Variants in LRPPRC observed in about 807,000 individuals in gnomAD.
The protein encoded by LRPPRC is leucine-rich PPR motif-containing protein, mitochondrial.
A neutral mutation model predicts 180.3 loss-of-function variants in LRPPRC; 120 were observed. That is an observed-to-expected ratio of 0.67 (90% CI 0.57 to 0.77). The LOEUF (loss-of-function observed/expected upper bound fraction) is 0.77. Among genes scored for constraint, LRPPRC ranks in the 30% least tolerant of loss-of-function variants. The pLI is 0.00. For missense variants in LRPPRC, 2,012 were observed against 1,657.2 expected (o/e 1.21, Z -3.72); for synonymous variants, 723 against 600.0 (o/e 1.21, Z -3.00).
At chr2:43,937,146 C>T (rs527286170) in intron 23 of LRPPRC, among the ~76,000 whole-genome samples, 7 of 152,090 alleles carry the variant, frequency 4.6e-5, no homozygotes, top group East Asian at 1.9e-4. Context: ...CAAAGCGACA[C>T]GTTAATAGTC....
chr2:43,896,834 T>C, intron 34 of LRPPRC, 126 bp from the exon 35 acceptor site: 1 of 670,836 alleles, frequency 1.5e-6, no homozygotes, highest in Non-Finnish European at 2.7e-6. Flanking sequence ...GAAGGCCTAA[T>C]AGTCGACTAT....
chr2:43,979,822 A>G lies in LRPPRC; in HGVS notation c.469+4T>C, dbSNP rs200145808. 3.7e-6 allele frequency: 6 copies of G among 1,612,780 alleles called. No individual in the cohort carries two copies. The African/African-American group carries it at 8.0e-5, about 21-fold the overall frequency. On this transcript the variant is annotated splice_donor_region_variant and intron_variant, in intron 3 of 37. Transcript: ENST00000260665. ...ATACACATCATATATTTAAACAATC[A>G]TACCTAATTTCTGAAGTGTGTCCCA...
In LRPPRC at chr2:43,963,658, T is replaced by A; in HGVS notation, c.1418A>T (p.Asp473Val). Reference sequence around the variant, plus strand: ...CACATAATCTGTATATGTTTCCTGATCAGGATGTACTCCCAATTCTTGCAT... The same window carrying A: ...CACATAATCTGTATATGTTTCCTGAACAGGATGTACTCCCAATTCTTGCAT... ...KGMQELGVHP[D>V]QETYTDYVIP... is the part of the protein sequence containing the mutation. Residue 473 changes from aspartate to valine, a missense_variant, in exon 12 of 38, where the codon GAT becomes GTT. By Grantham distance (152) the Asp-to-Val change is radical (BLOSUM62 -3). Coordinates refer to ENST00000260665, the MANE Select transcript of LRPPRC (RefSeq NM_133259.4). 6.2e-7 allele frequency: 1 copy of A among 1,611,950 alleles called. No individual in the cohort carries two copies. The highest frequency in any genetic ancestry group is 8.5e-7 in the Non-Finnish European group (1 of 1,178,164).
chr2:43,925,193 G>T, intron 26 of LRPPRC, 36 bp from the exon 27 acceptor site: 1 of 1,012,042 alleles, frequency 9.9e-7, no homozygotes, highest in Non-Finnish European at 1.6e-6. Flanking sequence ...TCTACCTTGT[G>T]TAAAGGATGT....
chr2:43,945,395 C>G lies in LRPPRC; in HGVS notation c.2233G>C (p.Val745Leu). The G allele has an allele frequency of 1.2e-6, 2 of 1,611,624 alleles. No homozygotes were observed. Among genetic ancestry groups the G allele is most frequent in the South Asian group, 1.1e-5 (1 of 91,030 alleles). ...EEFDRLDSSA[V>L]LDTGKYVGLV... Reference sequence around the variant, plus strand: ...CCTACATACTTGCCGGTGTCAAGGACAGCAGATGAATCTAAGCGGTCACTA... The same window carrying G: ...CCTACATACTTGCCGGTGTCAAGGAGAGCAGATGAATCTAAGCGGTCACTA... The change falls in exon 22 of 38, where the codon GTC becomes CTC. Residue 745 changes from valine (V) to leucine (L), a missense_variant. Val to Leu is a conservative substitution (Grantham distance 32). Coordinates refer to ENST00000260665, the MANE Select transcript of LRPPRC (RefSeq NM_133259.4).
Position 43,889,760 on chromosome 2 carries a change from C to T in LRPPRC, c.4102G>A (p.Glu1368Lys), listed in dbSNP as rs766892357. Residue 1368 changes from glutamate (E) to lysine (K), a missense_variant, in exon 37 of 38, where the codon GAG becomes AAG. Transcript: ENST00000260665. ...RYASLLKYAG[E>K]PVPFIEPPES... is the part of the protein sequence containing the mutation. ...GGGGGTTCAATGAAAGGGACAGGCT[C>T]TCCAGCATACTTCAGCAAAGATGCG... 1 of 1,613,454 alleles carries T rather than the reference C, an allele frequency of 6.2e-7. No homozygotes were observed.
At chr2:43,995,387 A>T (rs571279828) in intron 1 of LRPPRC, among the ~76,000 whole-genome samples, 1 of 152,346 alleles carries the variant, frequency 6.6e-6, no homozygotes, top group South Asian at 2.1e-4. Flanking sequence ...AATTTCCAAT[A>T]TCTAAATGCT....
chr2:43,966,174 G>A (rs1476770751), intron 11 of LRPPRC, among the ~76,000 whole-genome samples: 1 of 151,746 alleles, frequency 6.6e-6, no homozygotes, highest in East Asian at 1.9e-4. Flanking sequence ...TGAACTTGAA[G>A]CACATGCTAA....
chr2:43,906,399 C>G (rs377358835), intron 30 of LRPPRC, among the ~76,000 whole-genome samples: 61 of 152,284 alleles, frequency 4.0e-4, no homozygotes, highest in African/African-American at 1.2e-3. Context: ...AAAACACCAA[C>G]TTTTAAAACT....
chr2:43,992,564 G>T (rs1294688337), intron 1 of LRPPRC, among the ~76,000 whole-genome samples: 1 of 152,196 alleles, frequency 6.6e-6, no homozygotes, highest in East Asian at 1.9e-4. Context: ...GCAGGAAAAT[G>T]ACATGATCAA....
At chr2:43,937,930 G>C (rs1672332948) in intron 23 of LRPPRC, among the ~76,000 whole-genome samples, 1 of 152,150 alleles carries the variant, frequency 6.6e-6, no homozygotes, top group Non-Finnish European at 1.5e-5. Flanking sequence ...GACCCAAAGT[G>C]ATCTGTGAAT....
At chr2:43,990,038 G>A (rs1186866474) in intron 1 of LRPPRC, among the ~76,000 whole-genome samples, 1 of 151,954 alleles carries the variant, frequency 6.6e-6, no homozygotes, top group Non-Finnish European at 1.5e-5. Flanking sequence ...CATGGCAATG[G>A]CAAAACCCCA....
chr2:43,974,376 CAAAAT>C, intron 8 of LRPPRC, 81 bp from the exon 9 acceptor site: 1 of 1,081,036 alleles, frequency 9.3e-7, no homozygotes, highest in Non-Finnish European at 1.4e-6. Context: ...ATACTGAAGA[CAAAAT>C]AAGAATTGCA....
chr2:43,900,588 C>T (rs141090411), intron 32 of LRPPRC, among the ~76,000 whole-genome samples: 2,075 of 151,804 alleles, frequency 0.014, 45 homozygotes, highest in African/African-American at 0.048. Flanking sequence ...TTCTATCTGG[C>T]GAAATAGTTT....
In LRPPRC at chr2:43,932,546, A is replaced by G. The variant is rs1426003295; in HGVS notation, c.2736+1644T>C. 2.6e-5 allele frequency among the ~76,000 whole-genome samples: 4 copies of G among 152,312 alleles called. No individual in the cohort carries two copies. The East Asian group carries it at 5.8e-4, about 22-fold the overall frequency. The stretch of plus-strand genomic sequence containing the variant: ...GTGGTTGTACTGTGGCAAAGCTCTA[A>G]GTAATTAAGAGGCAGTCTTCTCTTG... On this transcript the variant is annotated intron_variant, in intron 25 of 37. Transcript: ENST00000260665.
At chr2:43,987,787 GT>G (rs1337686467) in intron 1 of LRPPRC, among the ~76,000 whole-genome samples, 1 of 151,964 alleles carries the variant, frequency 6.6e-6, no homozygotes, top group Non-Finnish European at 1.5e-5. Context: ...TCCTATCATT[GT>G]TCTTTACTTA....
chr2:43,928,438 T>C (rs1671967102), intron 25 of LRPPRC, among the ~76,000 whole-genome samples: 1 of 152,180 alleles, frequency 6.6e-6, no homozygotes, highest in South Asian at 2.1e-4. Flanking sequence ...TTAACTCAAA[T>C]AGAAATTTTC....
At chr2:43,921,057 C>A (rs915729463) in intron 27 of LRPPRC, among the ~76,000 whole-genome samples, 9 of 152,072 alleles carry the variant, frequency 5.9e-5, no homozygotes, top group African/African-American at 2.2e-4. Context: ...TTTGGGAAGA[C>A]GAGGTAGGCA....
intron 12 of LRPPRC, among the ~76,000 whole-genome samples, chr2:43,961,887 T>C (rs553770606): frequency 2.0e-5 from 3 of 152,114 alleles, no homozygotes; most frequent in African/African-American, 4.8e-5. Context: ...CTTGAACCGG[T>C]AGGCAGAGGA....
Sources: allele counts gnomAD v4.1 joint callset (sites outside exome capture counted in the v4.1 genomes callset), GRCh38; gene constraint gnomAD v4.1.1; transcripts MANE v1.5; gene names NCBI Gene and HGNC (gene_info 2026-07-23, HGNC 2026-07-21).